CUX2: variants seen among roughly 807,000 people sequenced by gnomAD.
The protein encoded by CUX2 is cut like homeobox 2.
A neutral mutation model predicts 144.8 loss-of-function variants in CUX2; 40 were observed. That is an observed-to-expected ratio of 0.28 (90% CI 0.21 to 0.36). The LOEUF (loss-of-function observed/expected upper bound fraction) is 0.36. CUX2 is among the 10% of genes least tolerant of loss of function. The probability of loss-of-function intolerance (pLI) is 1.00; values close to 1 mark genes in which losing one functional copy is unlikely to be tolerated. For synonymous variants in CUX2, 827 were observed against 875.6 expected (o/e 0.94, Z 0.98); for missense variants, 1,615 against 1,994.0 (o/e 0.81, Z 3.62).
At chr12:111,172,995 C>A (rs1166893259) in intron 1 of CUX2, among the ~76,000 whole-genome samples, 1 of 152,244 alleles carries the variant, frequency 6.6e-6, no homozygotes, top group Non-Finnish European at 1.5e-5. Flanking sequence ...AGCCTCTCAG[C>A]CAGAAGACTT....
rs1380089443 is a variant in CUX2 at position 111,310,986 on chromosome 12, TC to T, written c.1900+306del. On this transcript the variant is annotated intron_variant, in intron 15 of 21. Transcript: ENST00000261726. This position sits in a 1 kb window ranked among gnomAD's most constrained non-coding sequence, Gnocchi z 7.9. ...CCCTGGCAGGTATTCATCCAGCACT[TC>T]CAAGCCTCAGTTTATACATTTGTAA... 6.6e-6 allele frequency among the ~76,000 whole-genome samples: 1 copy of T among 152,230 alleles called. No individual in the cohort carries two copies. Among genetic ancestry groups the T allele is most frequent in the Non-Finnish European group, 1.5e-5 (1 of 68,040 alleles).
At chr12:111,311,923 C>A (rs1191681138) in intron 15 of CUX2, among the ~76,000 whole-genome samples, 177 bp from the exon 16 acceptor site, 1 of 152,126 alleles carries the variant, frequency 6.6e-6, no homozygotes, top group East Asian at 1.9e-4. Context: ...TTATTTCACA[C>A]CAGAATCACT....
At chr12:111,125,471 G>A (rs374901175) in intron 1 of CUX2, among the ~76,000 whole-genome samples, 23 of 152,230 alleles carry the variant, frequency 1.5e-4, no homozygotes, top group South Asian at 8.3e-4. Context: ...GTGCCACTGC[G>A]CCCGGCCTGG....
In CUX2 at chr12:111,320,420, C is replaced by T; in HGVS notation, c.2411C>T (p.Ser804Leu). Reference protein sequence around the residue: ...GLLSRPYASVSPSLSSSSSSG... With the variant: ...GLLSRPYASVLPSLSSSSSSG... ...CTCAGCCGCCCCTACGCCTCCGTGT[C>T]GCCCTCGCTGTCCTCCTCCTCCTCC... Residue 804 changes from serine to leucine, a missense_variant, in exon 17 of 22, where the codon TCG (serine) becomes TTG (leucine). By Grantham distance (145) the Ser-to-Leu change is moderately radical. Around this residue, in one of 12 missense-constraint regions of CUX2, gnomAD observed 390 missense variants for 387.1 expected, o/e 1.01. Transcript: ENST00000261726. The surrounding 1 kb of genome is among the most constrained non-coding windows in gnomAD (Gnocchi z 8.1). The T allele has an allele frequency of 1.3e-6, 2 of 1,597,556 alleles. No homozygotes were observed. Among genetic ancestry groups the T allele is most frequent in the Non-Finnish European group, 1.7e-6 (2 of 1,178,872 alleles).
At chr12:111,086,869 C>G (rs918503431) in intron 1 of CUX2, among the ~76,000 whole-genome samples, 15 of 152,200 alleles carry the variant, frequency 9.9e-5, no homozygotes, top group African/African-American at 2.6e-4. Context: ...GAGTTTGAGG[C>G]TACCCTGTGC....
intron 4 of CUX2, among the ~76,000 whole-genome samples, chr12:111,279,774 G>A (rs1885032092): frequency 6.6e-6 from 1 of 152,126 alleles, no homozygotes; most frequent in African/African-American, 2.4e-5. Context: ...GCAAGGTCAA[G>A]AGATCGAGAC....
rs1885775954 is a variant in CUX2 at position 111,293,087 on chromosome 12, C to T, written c.437-359C>T. Among the ~76,000 whole-genome samples the T allele has an allele frequency of 6.6e-6, 1 of 151,644 alleles. No individual in the cohort carries two copies. The highest frequency in any genetic ancestry group is 1.5e-5 in the Non-Finnish European group (1 of 68,006). On this transcript the variant is annotated intron_variant, in intron 5 of 21. Transcript: ENST00000261726. The surrounding 1 kb of genome is among the most constrained non-coding windows in gnomAD (Gnocchi z 4.5). ...GCAGTAAGCTGAGATTGTGCCACTGCACTCGCAGTCCAGCCTGGGCAACAG... is the reference window on the plus strand; with the variant it reads ...GCAGTAAGCTGAGATTGTGCCACTGTACTCGCAGTCCAGCCTGGGCAACAG...
chr12:111,040,104 T>C (rs1421190072), intron 1 of CUX2, among the ~76,000 whole-genome samples: 2 of 151,424 alleles, frequency 1.3e-5, no homozygotes, highest in African/African-American at 4.9e-5. Context: ...CTGGGCAACA[T>C]AGTGATACCC....
intron 1 of CUX2, among the ~76,000 whole-genome samples, chr12:111,203,475 G>A (rs1188824554): frequency 6.6e-6 from 1 of 151,412 alleles, no homozygotes; most frequent in African/African-American, 2.4e-5. Flanking sequence ...AGCCCAGAAG[G>A]TTGAGGCTGC....
chr12:111,135,807 G>C (rs1211960077), intron 1 of CUX2, among the ~76,000 whole-genome samples: 1 of 152,220 alleles, frequency 6.6e-6, no homozygotes, highest in Admixed American at 6.5e-5. Flanking sequence ...AAGCAGATTA[G>C]TGCTTTCCAG....
At chr12:111,098,349 A>G (rs878861740) in intron 1 of CUX2, among the ~76,000 whole-genome samples, 1 of 152,070 alleles carries the variant, frequency 6.6e-6, no homozygotes, top group African/African-American at 2.4e-5. Context: ...ACAGTGAGCC[A>G]AAATCATGCC....
chr12:111,166,326 A>G (rs1282524081), intron 1 of CUX2, among the ~76,000 whole-genome samples: 2 of 152,180 alleles, frequency 1.3e-5, no homozygotes, highest in Non-Finnish European at 2.9e-5. Context: ...CCAGCCTGCG[A>G]CATTTATTTT....
At chr12:111,323,712 T>C (rs1887642645) in intron 18 of CUX2, among the ~76,000 whole-genome samples, 1 of 151,782 alleles carries the variant, frequency 6.6e-6, no homozygotes, top group African/African-American at 2.4e-5. Context: ...TCACTTGAGC[T>C]GTGATCATCC....
chr12:111,112,647 G>A (rs1465810993), intron 1 of CUX2, among the ~76,000 whole-genome samples: 1 of 152,154 alleles, frequency 6.6e-6, no homozygotes, highest in Non-Finnish European at 1.5e-5. Context: ...CAGGACTTGA[G>A]GATCTGGCTT....
chr12:111,345,064 C>T (rs1024154541), intron 21 of CUX2, among the ~76,000 whole-genome samples: 2 of 152,008 alleles, frequency 1.3e-5, no homozygotes, highest in Non-Finnish European at 2.9e-5. Context: ...CCACCACGCC[C>T]AGCTGGTTTT....
chr12:111,209,966 G>C (rs1247814564), intron 1 of CUX2, among the ~76,000 whole-genome samples: 1 of 152,220 alleles, frequency 6.6e-6, no homozygotes, highest in Non-Finnish European at 1.5e-5. Flanking sequence ...GCTGCTGATG[G>C]CCAGTTAATC....
intron 3 of CUX2, among the ~76,000 whole-genome samples, chr12:111,247,951 G>T (rs1883358360): frequency 6.6e-6 from 1 of 152,210 alleles, no homozygotes; most frequent in South Asian, 2.1e-4. Flanking sequence ...CTGTCACCCA[G>T]GCTAGAGTGC....
At chr12:111,268,738 G>T (rs949048560) in intron 4 of CUX2, among the ~76,000 whole-genome samples, 2 of 152,236 alleles carry the variant, frequency 1.3e-5, no homozygotes, top group Admixed American at 6.5e-5. Flanking sequence ...ATTCCTTGCC[G>T]CCTTTTTGCT....
At chr12:111,252,775 T>C (rs2078851) in intron 3 of CUX2, among the ~76,000 whole-genome samples, 61,731 of 148,944 alleles carry the variant, frequency 0.41, 18,111 homozygotes, top group African/African-American at 0.83. Flanking sequence ...GAAGATCATC[T>C]AGTAGGCCAG....
Sources: allele counts gnomAD v4.1 joint callset (sites outside exome capture counted in the v4.1 genomes callset), GRCh38; gene constraint gnomAD v4.1.1; regional missense constraint gnomAD v4.1.1; non-coding constraint Gnocchi (gnomAD v3.1); transcripts MANE v1.5; gene names NCBI Gene and HGNC (gene_info 2026-07-23, HGNC 2026-07-21).